GRIK5: variants seen among roughly 807,000 people sequenced by gnomAD.
GRIK5 encodes the protein glutamate receptor ionotropic, kainate 5.
Under a neutral mutation model 97.4 loss-of-function variants are expected in GRIK5, and 43 were observed. The ratio of observed to expected loss-of-function variants is 0.44; its 90% confidence interval spans 0.35 to 0.57. The LOEUF (loss-of-function observed/expected upper bound fraction) is 0.57. Ranked by LOEUF, GRIK5 falls within the 20% of genes least tolerant of loss-of-function variation. GRIK5 has a pLI of 0.01. For missense variants in GRIK5, 1,015 were observed against 1,382.0 expected, an observed-to-expected ratio of 0.73 and a Z score of 4.21; for synonymous variants, 580 against 583.5, an observed-to-expected ratio of 0.99 and a Z score of 0.09.
chr19:42,058,147 G>A (rs777621977), intron 6 of GRIK5, among the ~76,000 whole-genome samples: 1 of 152,082 alleles, frequency 6.6e-6, no homozygotes, highest in Non-Finnish European at 1.5e-5. Context: ...CACTTCCTGC[G>A]GGCTACAGTC....
chr19:42,063,448 TC>T (rs2076287452), intron 3 of GRIK5: 1 of 431,262 alleles, frequency 2.3e-6, no homozygotes, highest in South Asian at 1.7e-5. Flanking sequence ...CACCCTTCAG[TC>T]CAGGGTTCCC....
intron 1 of GRIK5, among the ~76,000 whole-genome samples, chr19:42,067,153 G>T (rs901732287): frequency 6.6e-6 from 1 of 152,204 alleles, no homozygotes; most frequent in African/African-American, 2.4e-5. Context: ...GTTACTGTGG[G>T]GGGCACAGAA....
intron 5 of GRIK5, among the ~76,000 whole-genome samples, chr19:42,059,844 G>A (rs1004689006): frequency 4.6e-5 from 7 of 152,036 alleles, no homozygotes; most frequent in Admixed American, 2.0e-4. Flanking sequence ...CCATGTTGGT[G>A]AACAGCATCT....
In GRIK5 at chr19:42,004,142, C is replaced by A. The variant is rs75565570; in HGVS notation, c.2264-459G>T. On this transcript the variant is annotated intron_variant, in intron 17 of 19. Transcript: ENST00000593562. ...ATTCTGATGACTTTATTTAAAATGG[C>A]ACCAAGCGCCCCACTCCCTGTCAGT... Among the ~76,000 whole-genome samples, 777 of 152,286 alleles carry A rather than the reference C, an allele frequency of 5.1e-3. 21 individuals carry two copies. Among genetic ancestry groups the A allele is most frequent in the East Asian group, 0.022 (114 of 5,186 alleles).
chr19:42,017,278 C>T (rs886239379), intron 15 of GRIK5, among the ~76,000 whole-genome samples: 4 of 152,228 alleles, frequency 2.6e-5, no homozygotes, highest in Non-Finnish European at 4.4e-5. Flanking sequence ...TCTAAGCAGG[C>T]GCCGACTGTC....
At chr19:42,067,879 G>A (rs1248888008) in intron 1 of GRIK5, among the ~76,000 whole-genome samples, 1 of 152,166 alleles carries the variant, frequency 6.6e-6, no homozygotes. Context: ...CCCAGAGACT[G>A]GGCAAAGCCA....
Position 42,022,423 on chromosome 19 carries a change from G to T in GRIK5, c.1474-69C>A. On this transcript the variant is annotated intron_variant, in intron 12 of 19. Coordinates refer to ENST00000593562, the MANE Select transcript of GRIK5 (RefSeq NM_002088.5). This position sits in a 1 kb window ranked among gnomAD's most constrained non-coding sequence, Gnocchi z 4.2. ...GAAGACAGAAGTGGACAGTTAGAGAGAAATGCACGGAGAGTGAGCAACTGA... is the reference window on the plus strand; with the variant it reads ...GAAGACAGAAGTGGACAGTTAGAGATAAATGCACGGAGAGTGAGCAACTGA... The T allele has an allele frequency of 1.3e-6, 2 of 1,518,262 alleles. No individual in the cohort carries two copies. The highest frequency in any genetic ancestry group is 1.2e-5 in the South Asian group (1 of 86,514). 94.0% of individuals were successfully genotyped at this position (1,518,262 alleles called of 1,614,324 possible).
chr19:42,035,406 T>C (rs1315207075), intron 12 of GRIK5, among the ~76,000 whole-genome samples: 2 of 152,114 alleles, frequency 1.3e-5, no homozygotes, highest in East Asian at 1.9e-4. Flanking sequence ...TTTGCAAAAA[T>C]AAAAATTTAA....
chr19:42,039,653 T>C (rs760973099), intron 12 of GRIK5, among the ~76,000 whole-genome samples: 4 of 151,992 alleles, frequency 2.6e-5, no homozygotes, highest in Non-Finnish European at 4.4e-5. Context: ...GAATGGAAAA[T>C]GGATGAACAC....
chr19:42,066,721 A>G (rs946953954), intron 1 of GRIK5, among the ~76,000 whole-genome samples: 1 of 151,980 alleles, frequency 6.6e-6, no homozygotes, highest in African/African-American at 2.4e-5. Context: ...AGGAGGCAAG[A>G]TAAAGAAAGG....
chr19:42,024,880 G>A (rs1280625069), intron 12 of GRIK5, among the ~76,000 whole-genome samples: 4 of 152,124 alleles, frequency 2.6e-5, no homozygotes, highest in Non-Finnish European at 5.9e-5. Flanking sequence ...CCCACTCCCT[G>A]GACACCACTT....
rs2075455813 is a variant in GRIK5 at position 42,003,916 on chromosome 19, C to T, written c.2264-233G>A. On this transcript the variant is annotated intron_variant, in intron 17 of 19. Transcript: ENST00000593562. The surrounding 1 kb of genome is among the most constrained non-coding windows in gnomAD (Gnocchi z 4.2). ...TTCCTGTGCTCAGGACTCTCCATGG[C>T]TTCCTGTTGCAAGCTCCTCCCCTCG... 6.6e-6 allele frequency among the ~76,000 whole-genome samples: 1 copy of T among 152,180 alleles called. No individual in the cohort carries two copies. Among genetic ancestry groups the T allele is most frequent in the Non-Finnish European group, 1.5e-5 (1 of 68,044 alleles).
Position 42,021,652 on chromosome 19 carries a change from G to A in GRIK5, c.1698-178C>T, listed in dbSNP as rs567275530. 6.6e-6 allele frequency among the ~76,000 whole-genome samples: 1 copy of A among 152,240 alleles called. No individual in the cohort carries two copies. Among genetic ancestry groups the A allele is most frequent in the South Asian group, 2.1e-4 (1 of 4,828 alleles). On this transcript the variant is annotated intron_variant, in intron 14 of 19. Coordinates refer to ENST00000593562, the MANE Select transcript of GRIK5 (RefSeq NM_002088.5). The surrounding 1 kb of genome is among the most constrained non-coding windows in gnomAD (Gnocchi z 4.2). ...GAGATGCACAGAGATGGAGACAGAA[G>A]AGGCAGAGAGAGACACAGAGATACT...
intron 12 of GRIK5, among the ~76,000 whole-genome samples, chr19:42,030,111 A>G (rs1195474329): frequency 6.6e-6 from 1 of 152,180 alleles, no homozygotes; most frequent in Non-Finnish European, 1.5e-5. Flanking sequence ...AATTCTTTAT[A>G]CTAAATACTC....
chr19:42,047,186 C>T (rs2076053204), intron 11 of GRIK5, among the ~76,000 whole-genome samples: 1 of 152,004 alleles, frequency 6.6e-6, no homozygotes, highest in Non-Finnish European at 1.5e-5. Flanking sequence ...CCATGCTCAG[C>T]CCCCTTCCCC....
In GRIK5 at chr19:42,042,404, T is replaced by A. The variant is rs1167066597; in HGVS notation, c.1473+148A>T. 5.8e-6 allele frequency: 4 copies of A among 685,016 alleles called. No homozygotes were observed. The highest frequency in any genetic ancestry group is 7.4e-6 in the Non-Finnish European group (3 of 403,586). 42.4% of individuals were successfully genotyped at this position (685,016 alleles called of 1,614,324 possible). On this transcript the variant is annotated intron_variant, in intron 12 of 19. Transcript: ENST00000593562. The surrounding 1 kb of genome is among the most constrained non-coding windows in gnomAD (Gnocchi z 6.9). ...CCAGGCACAGGCATACAGCGCAACA[T>A]CAGTGAGGTGGTGTCAGGGGCCCTT...
At chr19:42,020,689 T>C (rs1423380345) in intron 15 of GRIK5, among the ~76,000 whole-genome samples, 1 of 152,052 alleles carries the variant, frequency 6.6e-6, no homozygotes, top group Non-Finnish European at 1.5e-5. Flanking sequence ...TGACCTCCAG[T>C]CATCCTCACT....
intron 6 of GRIK5, among the ~76,000 whole-genome samples, chr19:42,057,568 G>T (rs575731852): frequency 6.6e-6 from 1 of 152,064 alleles, no homozygotes; most frequent in Admixed American, 6.5e-5. Flanking sequence ...TGTAGAGATG[G>T]GGTCTTGCTA....
chr19:42,002,006 T>G lies in GRIK5; in HGVS notation c.2514+1326A>C. 1.6e-6 allele frequency: 1 copy of G among 613,238 alleles called. No homozygotes were observed. The highest frequency in any genetic ancestry group is 2.9e-5 in the Admixed American group (1 of 34,636). 38.0% of individuals were successfully genotyped at this position (613,238 alleles called of 1,614,324 possible). On this transcript the variant is annotated intron_variant, in intron 19 of 19. Transcript: ENST00000593562. The surrounding 1 kb of genome is among the most constrained non-coding windows in gnomAD (Gnocchi z 5.2). ...CCCAACGAGGGAGCCTGGGAAGGAG[T>G]GACCGGAGAAGTGGGAGAAGGGGAA... is the stretch of plus-strand genomic sequence containing the variant.
Sources: gnomAD v4.1 joint callset for allele counts (sites outside exome capture counted in the v4.1 genomes callset) on GRCh38, gnomAD v4.1.1 for gene constraint, Gnocchi (gnomAD v3.1) non-coding constraint, MANE v1.5 for transcripts, NCBI Gene and HGNC (gene_info 2026-07-23, HGNC 2026-07-21) for gene names.